ARHGAP15: variants seen among roughly 807,000 people sequenced by gnomAD.
ARHGAP15 encodes the protein Rho GTPase activating protein 15.
ARHGAP15 carries 51 observed loss-of-function variants against 63.7 expected under a neutral mutation model. That is an observed-to-expected ratio of 0.80 (90% CI 0.64 to 1.01). The LOEUF is 1.01. Ranked by LOEUF, ARHGAP15 falls within the 50% of genes least tolerant of loss-of-function variation. The pLI, the probability that ARHGAP15 is intolerant of heterozygous loss-of-function variation, is 0.00. For missense variants in ARHGAP15, 560 were observed against 564.6 expected, an observed-to-expected ratio of 0.99 and a Z score of 0.08; for synonymous variants, 191 against 193.8, an observed-to-expected ratio of 0.99 and a Z score of 0.12.
At chr2:143,449,163 T>A (rs1013303169) in intron 8 of ARHGAP15, among the ~76,000 whole-genome samples, 11 of 151,974 alleles carry the variant, frequency 7.2e-5, no homozygotes, top group African/African-American at 1.9e-4. Context: ...AGTCAGAAAT[T>A]CTGAACTCCC....
intron 9 of ARHGAP15, among the ~76,000 whole-genome samples, chr2:143,508,572 G>A (rs1693427055): frequency 6.6e-6 from 1 of 152,132 alleles, no homozygotes; most frequent in Admixed American, 6.6e-5. Flanking sequence ...GATTTACTTG[G>A]TGAAACCCTT....
At chr2:143,478,216 G>A (rs1168854368) in intron 8 of ARHGAP15, among the ~76,000 whole-genome samples, 1 of 152,164 alleles carries the variant, frequency 6.6e-6, no homozygotes, top group Non-Finnish European at 1.5e-5. Context: ...CTACCCAGAT[G>A]TATTCTTCAA....
intron 6 of ARHGAP15, among the ~76,000 whole-genome samples, chr2:143,337,598 A>G (rs898251958): frequency 6.6e-6 from 1 of 152,086 alleles, no homozygotes; most frequent in African/African-American, 2.4e-5. Flanking sequence ...GCTGTACAAT[A>G]CCTTCTTTTC....
At chr2:143,534,244 GA>G (rs1196944318) in intron 10 of ARHGAP15, among the ~76,000 whole-genome samples, 1 of 152,192 alleles carries the variant, frequency 6.6e-6, no homozygotes, top group African/African-American at 2.4e-5. Flanking sequence ...ACCTTGAGAA[GA>G]AGGTGCCTTG....
intron 2 of ARHGAP15, among the ~76,000 whole-genome samples, chr2:143,163,480 G>T (rs892164900): frequency 6.6e-6 from 1 of 151,386 alleles, no homozygotes; most frequent in African/African-American, 2.4e-5. Flanking sequence ...ATTTATATTT[G>T]GACCTATTTT....
chr2:143,667,582 TAAAAAAAA>T lies in ARHGAP15; in HGVS notation c.1139-35823_1139-35816del, dbSNP rs71338146. Among the ~76,000 whole-genome samples the T allele has an allele frequency of 2.2e-5, 3 of 138,950 alleles. No individual in the cohort carries two copies. The East Asian group carries it at 6.0e-4, about 28-fold the overall frequency. The allele number at this position is 138,950 out of a possible 152,430, so 91.2% of individuals were successfully genotyped here. On this transcript the variant is annotated intron_variant, in intron 12 of 13. Coordinates refer to ENST00000295095, the MANE Select transcript of ARHGAP15 (RefSeq NM_018460.4). ...ACTTAAAGTATAATTTAAAAAAAAT[TAAAAAAAA>T]AAAAAAAAAAAAAGAAAAGAAGTGC...
intron 3 of ARHGAP15, among the ~76,000 whole-genome samples, chr2:143,205,227 C>T (rs1194848469): frequency 6.9e-6 from 1 of 145,862 alleles, no homozygotes; most frequent in Non-Finnish European, 1.5e-5. Context: ...GTGGAGGTTG[C>T]AGTGAGCCAA....
chr2:143,206,314 G>C (rs1248792072), intron 3 of ARHGAP15, among the ~76,000 whole-genome samples: 2 of 152,022 alleles, frequency 1.3e-5, no homozygotes, highest in African/African-American at 4.8e-5. Flanking sequence ...TACTTGTTCA[G>C]GAAAGACATG....
intron 12 of ARHGAP15, among the ~76,000 whole-genome samples, chr2:143,646,656 G>A (rs532217054): frequency 1.3e-5 from 2 of 152,088 alleles, no homozygotes; most frequent in South Asian, 4.1e-4. Context: ...TATATATGCT[G>A]AAAACAGTTT....
At chr2:143,617,671 T>C (rs1574715434) in intron 11 of ARHGAP15, among the ~76,000 whole-genome samples, 1 of 152,188 alleles carries the variant, frequency 6.6e-6, no homozygotes, top group African/African-American at 2.4e-5. Context: ...TTTTGAGGAA[T>C]GGAAGAACAC....
chr2:143,560,610 G>A (rs890915244), intron 11 of ARHGAP15, among the ~76,000 whole-genome samples: 4 of 152,094 alleles, frequency 2.6e-5, no homozygotes, highest in Admixed American at 6.6e-5. Context: ...TGCTACACAC[G>A]CTCATTCATG....
At position 143,398,072 on chromosome 2, in the gene ARHGAP15, T is replaced by C. The variant is rs1451302298; in HGVS notation, c.475-37529T>C. ...CTATTGTACAAAAGTCCCATAACTA[T>C]GAGTCATCTTTATTTCATCCTCCCA... is the stretch of plus-strand genomic sequence containing the variant. On this transcript the variant is annotated intron_variant, in intron 6 of 13. Transcript: ENST00000295095. Among the ~76,000 whole-genome samples, 3 of 152,128 alleles carry C rather than the reference T, an allele frequency of 2.0e-5. No individual in the cohort carries two copies. The East Asian group carries it at 5.8e-4, about 29-fold the overall frequency.
intron 6 of ARHGAP15, among the ~76,000 whole-genome samples, chr2:143,367,052 T>C (rs1686325235): frequency 6.6e-6 from 1 of 152,114 alleles, no homozygotes; most frequent in African/African-American, 2.4e-5. Context: ...GTAGCATTGT[T>C]TAATTTTACT....
chr2:143,604,631 C>T (rs1697911888), intron 11 of ARHGAP15, among the ~76,000 whole-genome samples: 1 of 152,144 alleles, frequency 6.6e-6, no homozygotes, highest in Admixed American at 6.5e-5. Flanking sequence ...GCTTCAGTAC[C>T]TTAGTCCTGA....
At chr2:143,393,783 G>A (rs972431758) in intron 6 of ARHGAP15, among the ~76,000 whole-genome samples, 2 of 148,328 alleles carry the variant, frequency 1.3e-5, no homozygotes, top group Non-Finnish European at 3.0e-5. Flanking sequence ...ACATTAAGGT[G>A]TCTTTCACAG....
At chr2:143,642,638 A>G (rs1680661134) in intron 12 of ARHGAP15, among the ~76,000 whole-genome samples, 1 of 152,134 alleles carries the variant, frequency 6.6e-6, no homozygotes, top group East Asian at 1.9e-4. Context: ...AGTAAGAGGT[A>G]CATTCCCTGA....
intron 6 of ARHGAP15, among the ~76,000 whole-genome samples, chr2:143,313,716 A>T (rs940984378): frequency 6.6e-6 from 1 of 151,828 alleles, no homozygotes; most frequent in Non-Finnish European, 1.5e-5. Context: ...CTGTTTTTTG[A>T]TTCTCTCTAA....
intron 2 of ARHGAP15, among the ~76,000 whole-genome samples, chr2:143,175,704 A>T (rs750277860): frequency 6.6e-6 from 1 of 152,156 alleles, no homozygotes; most frequent in Non-Finnish European, 1.5e-5. Flanking sequence ...ACTCTTTTAA[A>T]GTTGCTTCCT....
intron 6 of ARHGAP15, among the ~76,000 whole-genome samples, chr2:143,271,337 T>G (rs181537848): frequency 6.6e-6 from 1 of 152,232 alleles, no homozygotes; most frequent in Non-Finnish European, 1.5e-5. Context: ...TCCTAAAGTT[T>G]CTATTTCTTG....
Sources: allele counts gnomAD v4.1 joint callset (sites outside exome capture counted in the v4.1 genomes callset), GRCh38; gene constraint gnomAD v4.1.1; transcripts MANE v1.5; gene names NCBI Gene and HGNC (gene_info 2026-07-23, HGNC 2026-07-21).